Variants in FAT3 observed in about 807,000 individuals in gnomAD.
The protein encoded by FAT3 is protocadherin Fat 3.
Under a neutral mutation model 310.2 loss-of-function variants are expected in FAT3, and 95 were observed. The ratio of observed to expected loss-of-function variants is 0.31; its 90% CI spans 0.26 to 0.36. FAT3 has a LOEUF of 0.36. Ranked by LOEUF, FAT3 falls within the 10% of genes least tolerant of loss-of-function variation. FAT3 has a pLI of 1.00. For synonymous variants in FAT3, 2,314 were observed against 2,192.9 expected (o/e 1.06, Z -1.54); for missense variants, 5,408 against 5,715.6 (o/e 0.95, Z 1.74).
chr11:92,714,662 A>G (rs1253136486), intron 4 of FAT3, among the ~76,000 whole-genome samples: 2 of 152,156 alleles, frequency 1.3e-5, no homozygotes, highest in Non-Finnish European at 2.9e-5. Flanking sequence ...TAATTCAGCT[A>G]TTACTAGATT....
intron 13 of FAT3, among the ~76,000 whole-genome samples, chr11:92,821,801 G>A (rs2136235754): frequency 6.6e-6 from 1 of 152,230 alleles, no homozygotes; most frequent in Non-Finnish European, 1.5e-5. Context: ...AAAGGGCTCT[G>A]GGCTCCATAA....
intron 2 of FAT3, among the ~76,000 whole-genome samples, chr11:92,365,007 C>T (rs1017952983): frequency 5.9e-5 from 9 of 152,294 alleles, no homozygotes; most frequent in Non-Finnish European, 1.0e-4. Context: ...TGCCTATAAT[C>T]CTAGCTCTTT....
intron 2 of FAT3, among the ~76,000 whole-genome samples, chr11:92,510,917 C>CATGAGGAG (rs1331491864): frequency 6.6e-6 from 1 of 152,182 alleles, no homozygotes; most frequent in African/African-American, 2.4e-5. Context: ...TGGGCATCCT[C>CATGAGGAG]ATGAGGAGGA....
At chr11:92,574,374 C>A (rs1160931471) in intron 3 of FAT3, among the ~76,000 whole-genome samples, 1 of 152,164 alleles carries the variant, frequency 6.6e-6, no homozygotes, top group African/African-American at 2.4e-5. Flanking sequence ...CCCTCCAAAT[C>A]TTTCTGTGGC....
chr11:92,753,351 C>CAGAA (rs1162344634), intron 4 of FAT3, among the ~76,000 whole-genome samples: 2 of 152,148 alleles, frequency 1.3e-5, no homozygotes, highest in East Asian at 3.9e-4. Context: ...ATTCAACCCC[C>CAGAA]AGAACCATGA....
At chr11:92,656,804 A>G (rs1003719512) in intron 3 of FAT3, among the ~76,000 whole-genome samples, 4 of 152,196 alleles carry the variant, frequency 2.6e-5, no homozygotes, top group Non-Finnish European at 4.4e-5. Context: ...CATTTTATTG[A>G]TGGAAGAACT....
intron 2 of FAT3, among the ~76,000 whole-genome samples, chr11:92,505,376 G>A (rs1591376959): frequency 6.6e-6 from 1 of 152,226 alleles, no homozygotes; most frequent in South Asian, 2.1e-4. Flanking sequence ...CTTGATTCCT[G>A]GCTGTGGGTG....
chr11:92,450,443 C>A (rs770588828), intron 2 of FAT3, among the ~76,000 whole-genome samples: 1 of 151,936 alleles, frequency 6.6e-6, no homozygotes, highest in East Asian at 1.9e-4. Context: ...CATTAGGAGG[C>A]TTCTTGGAAG....
chr11:92,629,447 G>A (rs113293968), intron 3 of FAT3, among the ~76,000 whole-genome samples: 16 of 142,972 alleles, frequency 1.1e-4, no homozygotes, highest in African/African-American at 3.7e-4. Flanking sequence ...AAGAGACTAG[G>A]TCTCACACTG....
At chr11:92,376,477 C>T (rs919242784) in intron 2 of FAT3, among the ~76,000 whole-genome samples, 12 of 152,162 alleles carry the variant, frequency 7.9e-5, no homozygotes, top group African/African-American at 2.4e-4. Context: ...CTGGGGATCT[C>T]ACATGCTCAC....
intron 3 of FAT3, among the ~76,000 whole-genome samples, chr11:92,622,500 A>G (rs2135672464): frequency 6.6e-6 from 1 of 152,320 alleles, no homozygotes; most frequent in Admixed American, 6.5e-5. Context: ...ATCATTGTTG[A>G]GTAAGATTTG....
chr11:92,254,961 C>G (rs923919005), intron 1 of FAT3, among the ~76,000 whole-genome samples: 4 of 152,166 alleles, frequency 2.6e-5, no homozygotes, highest in African/African-American at 9.7e-5. Context: ...CTTACTCGGC[C>G]TCCCAAAGTG....
At chr11:92,424,043 G>A (rs1364165082) in intron 2 of FAT3, among the ~76,000 whole-genome samples, 1 of 152,200 alleles carries the variant, frequency 6.6e-6, no homozygotes, top group South Asian at 2.1e-4. Flanking sequence ...CAAATGGAGG[G>A]TGGACACCTA....
At chr11:92,621,339 A>G (rs1269609638) in intron 3 of FAT3, among the ~76,000 whole-genome samples, 1 of 152,226 alleles carries the variant, frequency 6.6e-6, no homozygotes, top group African/African-American at 2.4e-5. Context: ...GGAGAAGGAA[A>G]AAAGAGTTTT....
chr11:92,343,253 G>A (rs1591138613), intron 1 of FAT3, among the ~76,000 whole-genome samples: 1 of 152,270 alleles, frequency 6.6e-6, no homozygotes, highest in South Asian at 2.1e-4. Context: ...TTATTATGAT[G>A]AAAAAGGTTG....
intron 3 of FAT3, among the ~76,000 whole-genome samples, chr11:92,686,706 T>C (rs1943642813): frequency 6.6e-6 from 1 of 152,208 alleles, no homozygotes; most frequent in Admixed American, 6.5e-5. Context: ...TTTTTAAAAT[T>C]GAGTTTCAAA....
At chr11:92,622,362 T>C (rs1941127166) in intron 3 of FAT3, among the ~76,000 whole-genome samples, 2 of 152,186 alleles carry the variant, frequency 1.3e-5, no homozygotes, top group African/African-American at 4.8e-5. Context: ...AAAATTATTT[T>C]TGTACTAAAT....
Position 92,889,222 on chromosome 11 carries a change from A to G in FAT3, c.13085A>G (p.Asn4362Ser). The G allele has an allele frequency of 1.4e-6, 1 of 714,624 alleles. No individual in the cohort carries two copies. The highest frequency in any genetic ancestry group is 1.5e-5 in the South Asian group (1 of 66,996). 44.3% of individuals were successfully genotyped at this position (714,624 alleles called of 1,614,324 possible). A position where few individuals can be genotyped will look rare whatever the true frequency, so the allele number is the denominator to read the frequency against. Residue 4362 changes from asparagine to serine, a missense_variant, in exon 26 of 28, where the codon AAT (asparagine) becomes AGT (serine). Coordinates refer to ENST00000525166, the MANE Select transcript of FAT3 (RefSeq NM_001367949.2). ...GTGACTGTCATTCAGCTTGTCAACA[A>G]TGTAGTTGACACTATAGAGAATGAA... is the stretch of plus-strand genomic sequence containing the variant. ...SIVTVIQLVNNVVDTIENEVS... is the reference protein window; with the variant it reads ...SIVTVIQLVNSVVDTIENEVS...
At chr11:92,466,837 G>T (rs1362177189) in intron 2 of FAT3, among the ~76,000 whole-genome samples, 2 of 148,178 alleles carry the variant, frequency 1.3e-5, no homozygotes, top group East Asian at 2.0e-4. Flanking sequence ...GCGGTGTTTG[G>T]TTTTTTGTCT....
Sources: allele counts gnomAD v4.1 joint callset (sites outside exome capture counted in the v4.1 genomes callset), GRCh38; gene constraint gnomAD v4.1.1; transcripts MANE v1.5; gene names NCBI Gene and HGNC (gene_info 2026-07-23, HGNC 2026-07-21).